MTRR: variants seen among roughly 807,000 people sequenced by gnomAD.
MTRR encodes the protein methionine synthase reductase.
A neutral mutation model predicts 79.2 loss-of-function variants in MTRR; 63 were observed. That is an observed-to-expected ratio of 0.80 (90% CI 0.65 to 0.98). The LOEUF (loss-of-function observed/expected upper bound fraction) is 0.98. MTRR is among the 50% of genes least tolerant of loss of function. The pLI is 0.00. For missense variants in MTRR, 895 were observed against 839.6 expected (o/e 1.07, Z -0.82); for synonymous variants, 355 against 313.3 (o/e 1.13, Z -1.41).
At position 7,900,989 on chromosome 5, in the gene MTRR, GT is replaced by G. The variant is rs1739383701; in HGVS notation, c.*933del. 6.6e-6 allele frequency: 1 copy of G among 152,102 alleles called. No homozygotes were observed. The highest frequency in any genetic ancestry group is 1.5e-5 in the Non-Finnish European group (1 of 68,014). The allele number at this position is 152,102 out of a possible 1,614,324, so 9.4% of individuals were successfully genotyped here. On this transcript the variant is annotated 3_prime_UTR_variant, in exon 15 of 15. Coordinates refer to ENST00000440940, the MANE Select transcript of MTRR (RefSeq NM_002454.3). ...ATAATTTGCACAAACAAAACAAAAT[GT>G]TATGATAATCTTTCTCCACTGTTCT...
At chr5:7,887,887 C>T (rs1168633542) in intron 8 of MTRR, among the ~76,000 whole-genome samples, 2 of 142,478 alleles carry the variant, frequency 1.4e-5, no homozygotes, top group African/African-American at 5.3e-5. Flanking sequence ...AGAAATAACC[C>T]AGGAAACCAA....
At chr5:7,893,912 C>T (rs1357938245) in intron 11 of MTRR, among the ~76,000 whole-genome samples, 1 of 152,144 alleles carries the variant, frequency 6.6e-6, no homozygotes, top group Non-Finnish European at 1.5e-5. Context: ...ATTCATTATA[C>T]ATCAAAATAT....
rs367609729 is a variant in MTRR, at chr5:7,878,049, G to C, written c.507G>C (p.Val169=). ...AGGAGATAAGTGGCGCACTCCCGGTGGCATCACCTGCATCCTCGAGGACAG... is the reference window on the plus strand; with the variant it reads ...AGGAGATAAGTGGCGCACTCCCGGTCGCATCACCTGCATCCTCGAGGACAG... ...GQEEISGALP[V]ASPASSRTDL... Residue 169 remains valine, a synonymous_variant, in exon 5 of 15, where the codon GTG becomes GTC. Transcript: ENST00000440940. 1.5e-4 allele frequency: 250 copies of C among 1,613,748 alleles called. No homozygotes were observed. The highest frequency in any genetic ancestry group is 2.0e-4 in the Non-Finnish European group (237 of 1,180,010).
At chr5:7,872,850 C>G (rs1401931167) in intron 2 of MTRR, among the ~76,000 whole-genome samples, 1 of 151,994 alleles carries the variant, frequency 6.6e-6, no homozygotes, top group Non-Finnish European at 1.5e-5. Flanking sequence ...TTTTTACTTT[C>G]TTATGAAAAG....
intron 1 of MTRR, among the ~76,000 whole-genome samples, chr5:7,853,108 C>G (rs1056457401): frequency 2.6e-5 from 4 of 152,164 alleles, no homozygotes; most frequent in Non-Finnish European, 5.9e-5. Flanking sequence ...GTGTCCCCAC[C>G]TTAATCTCAT....
At chr5:7,866,553 T>G, upstream of MTRR, 1 of 953,792 alleles carries the variant, frequency 1.0e-6, no homozygotes, top group South Asian at 1.6e-5. Flanking sequence ...GAAGAAAAAC[T>G]AAAGGCAACA....
chr5:7,877,967 G>A lies in MTRR; in HGVS notation c.425G>A (p.Trp142Ter). The change falls in exon 5 of 15, where the codon TGG (tryptophan) becomes TAG (stop). Residue 142 changes from tryptophan (W) to a stop codon, truncating the protein, a stop_gained. Coordinates refer to ENST00000440940, the MANE Select transcript of MTRR (RefSeq NM_002454.3). LOFTEE classifies it high-confidence loss of function. ...CVGLELVVEP[W>*]IAGLWPALRK... is the part of the protein sequence containing the mutation. ...AGTTTAGAACTTGTGGTTGAGCCGTGGATTGCTGGACTCTGGCCAGCCCTC... is the reference window on the plus strand; with the variant it reads ...AGTTTAGAACTTGTGGTTGAGCCGTAGATTGCTGGACTCTGGCCAGCCCTC... 6.2e-7 allele frequency: 1 copy of A among 1,613,190 alleles called. No homozygotes were observed.
intron 9 of MTRR, among the ~76,000 whole-genome samples, chr5:7,891,165 ATCT>A (rs1737479687): frequency 2.6e-5 from 4 of 152,118 alleles, no homozygotes; most frequent in Non-Finnish European, 4.4e-5. Context: ...AATGCATCTT[ATCT>A]GGTTTTTAAC....
intron 4 of MTRR, 105 bp from the exon 5 acceptor site, chr5:7,877,839 A>G (rs1734836772): frequency 6.7e-7 from 1 of 1,481,704 alleles, no homozygotes; most frequent in African/African-American, 1.4e-5. Context: ...AGTGTTTCTA[A>G]CAAGTGCATA....
chr5:7,889,383 C>CGG, intron 9 of MTRR, 108 bp downstream of exon 9: 1 of 1,164,186 alleles, frequency 8.6e-7, no homozygotes, highest in Non-Finnish European at 1.3e-6. Context: ...CCTTTGTATC[C>CGG]TATGCCTAAA....
upstream of MTRR, chr5:7,867,966 G>T: frequency 6.2e-7 from 1 of 1,613,992 alleles, no homozygotes; most frequent in Non-Finnish European, 8.5e-7. Flanking sequence ...GGGCACAGAC[G>T]CTCCTTGACT....
At position 7,875,262 on chromosome 5, in the gene MTRR, C is replaced by T. The variant is rs35587995; in HGVS notation, c.288C>T (p.Leu96=). 9.2e-4 allele frequency: 1,475 copies of T among 1,605,996 alleles called. 11 individuals carry two copies. In the African/African-American group the frequency reaches 0.018, roughly 19 times the overall value. Residue 96 remains leucine, a synonymous_variant, in exon 4 of 15, where the codon CTC becomes CTT. Coordinates refer to ENST00000440940, the MANE Select transcript of MTRR (RefSeq NM_002454.3). ...FAHLRYGLLG[L]GDSEYTYFCN... Reference sequence around the variant, plus strand: ...TTATGTATTTGGGTTCTCTAGGTCTCGGTGATTCAGAATACACCTACTTTT... The same window carrying T: ...TTATGTATTTGGGTTCTCTAGGTCTTGGTGATTCAGAATACACCTACTTTT...
At chr5:7,887,736 ATATATATGTGTGTG>A (rs1170692191) in intron 8 of MTRR, among the ~76,000 whole-genome samples, 3 of 144,726 alleles carry the variant, frequency 2.1e-5, no homozygotes, top group East Asian at 4.0e-4. Flanking sequence ...GTATATGTGT[ATATATATGTGTGTG>A]TATATATGTG....
At chr5:7,852,200 C>A (rs888435651) in intron 1 of MTRR, among the ~76,000 whole-genome samples, 1 of 152,134 alleles carries the variant, frequency 6.6e-6, no homozygotes. Flanking sequence ...CTGCCTTCTT[C>A]CCCATCCCTG....
At chr5:7,892,020 C>T (rs1336360602) in intron 10 of MTRR, among the ~76,000 whole-genome samples, 9 of 151,896 alleles carry the variant, frequency 5.9e-5, no homozygotes, top group South Asian at 2.1e-4. Flanking sequence ...CCAGCCTGGG[C>T]GACAGTGATA....
At position 7,869,360 on chromosome 5, in the gene MTRR, C is replaced by T. The variant is rs1383043048; in HGVS notation, c.-26+145C>T. Reference sequence around the variant, plus strand: ...TTCGGCCTCCGGGGGTCGCCGCGGGCGCGGGCTGGGGCTCGGACTTGGCCT... The same window carrying T: ...TTCGGCCTCCGGGGGTCGCCGCGGGTGCGGGCTGGGGCTCGGACTTGGCCT... On this transcript the variant is annotated intron_variant, in intron 1 of 14. Transcript: ENST00000440940. 5.7e-6 allele frequency: 5 copies of T among 874,186 alleles called. No homozygotes were observed. In the East Asian group the frequency reaches 7.9e-5, roughly 14 times the overall value. 54.2% of individuals were successfully genotyped at this position (874,186 alleles called of 1,614,324 possible).
chr5:7,868,396 G>A (rs1747219967), upstream of MTRR, among the ~76,000 whole-genome samples: 1 of 152,172 alleles, frequency 6.6e-6, no homozygotes, highest in African/African-American at 2.4e-5. Context: ...GGAAGAAGTT[G>A]AAGCACAAAG....
At chr5:7,869,477 C>T (rs929383402) in intron 1 of MTRR, 3 of 518,902 alleles carry the variant, frequency 5.8e-6, no homozygotes, top group Non-Finnish European at 6.9e-6. Flanking sequence ...TGGGGTCTCT[C>T]CTCATGTTCT....
upstream of MTRR, chr5:7,865,973 A>G: frequency 6.2e-7 from 1 of 1,613,612 alleles, no homozygotes. Flanking sequence ...TGTCCAAATG[A>G]GATTCTTTAC....
Sources: allele counts gnomAD v4.1 joint callset (sites outside exome capture counted in the v4.1 genomes callset), GRCh38; gene constraint gnomAD v4.1.1; transcripts MANE v1.5; gene names NCBI Gene and HGNC (gene_info 2026-07-23, HGNC 2026-07-21).